TMEM178B: variants seen among roughly 807,000 people sequenced by gnomAD.
The protein encoded by TMEM178B is transmembrane protein 178B.
TMEM178B carries 5 observed loss-of-function variants against 31.0 expected under a neutral mutation model. The ratio of observed to expected loss-of-function variants is 0.16; its 90% confidence interval spans 0.08 to 0.34. TMEM178B has a LOEUF of 0.34. Ranked by LOEUF, TMEM178B falls within the 10% of genes least tolerant of loss-of-function variation. The pLI is 1.00. For missense variants in TMEM178B, 275 were observed against 400.3 expected (o/e 0.69, Z 2.67); for synonymous variants, 164 against 164.0 (o/e 1.00, Z 0.00).
chr7:141,118,157 T>C (rs1277912399), intron 1 of TMEM178B, among the ~76,000 whole-genome samples: 3 of 152,258 alleles, frequency 2.0e-5, no homozygotes, highest in Non-Finnish European at 4.4e-5. Context: ...TGTCTGTGGC[T>C]CATTCCTGTG....
rs372779496 is a variant in TMEM178B, at chr7:141,156,225, A to G, written c.383-56366A>G. On this transcript the variant is annotated intron_variant, in intron 1 of 3. Transcript: ENST00000565468. ...CAGCTCTGTAACTGGGGGAAGATCA[A>G]TTACCTTCCTTGTGCCTCAGTGTCC... Among the ~76,000 whole-genome samples, 459 of 152,312 alleles carry G rather than the reference A, an allele frequency of 3.0e-3. 2 individuals are homozygous for G. Among genetic ancestry groups the G allele is most frequent in the African/African-American group, 0.01 (422 of 41,570 alleles).
chr7:141,382,971 C>A (rs1347735204), intron 2 of TMEM178B, among the ~76,000 whole-genome samples: 1 of 152,166 alleles, frequency 6.6e-6, no homozygotes, highest in Admixed American at 6.5e-5. Flanking sequence ...CTGCCCCATT[C>A]TCCCACCCCA....
the TMEM178B span, among the ~76,000 whole-genome samples, chr7:141,511,149 T>C: frequency 6.6e-6 from 1 of 151,224 alleles, no homozygotes; most frequent in Non-Finnish European, 1.5e-5. Context: ...GTGAGGAGAC[T>C]TAGTGTAACA....
chr7:141,222,134 T>G (rs1797267825), intron 2 of TMEM178B, among the ~76,000 whole-genome samples: 1 of 152,158 alleles, frequency 6.6e-6, no homozygotes, highest in Non-Finnish European at 1.5e-5. Flanking sequence ...GCAGGACCTG[T>G]ATTTGTGTGC....
intron 2 of TMEM178B, among the ~76,000 whole-genome samples, chr7:141,220,507 T>G (rs2129189397): frequency 6.6e-6 from 1 of 151,306 alleles, no homozygotes; most frequent in East Asian, 1.9e-4. Flanking sequence ...AGTTTATTTT[T>G]GAGATGACCT....
chr7:141,147,566 G>A (rs12703318), intron 1 of TMEM178B, among the ~76,000 whole-genome samples: 12,594 of 152,288 alleles, frequency 0.083, 710 homozygotes, highest in Middle Eastern at 0.19. Context: ...GAAGAGGGTT[G>A]TGATGGAAGC....
intron 1 of TMEM178B, among the ~76,000 whole-genome samples, chr7:141,100,207 C>CT (rs751136128): frequency 0.039 from 5,470 of 141,800 alleles, 160 homozygotes; most frequent in Non-Finnish European, 0.056. Flanking sequence ...TCTGTAACAT[C>CT]TTTTTTTTTT....
intron 2 of TMEM178B, among the ~76,000 whole-genome samples, chr7:141,296,074 CTT>C (rs139584498): frequency 1.4e-5 from 2 of 146,170 alleles, no homozygotes; most frequent in Non-Finnish European, 1.5e-5. Context: ...GGAAGCAGTA[CTT>C]TTTTTTTTTT....
intron 2 of TMEM178B, among the ~76,000 whole-genome samples, chr7:141,368,822 C>T (rs1800056974): frequency 6.6e-6 from 1 of 152,212 alleles, no homozygotes; most frequent in Non-Finnish European, 1.5e-5. Context: ...ATTCCCGGAT[C>T]CCCTCTGTGT....
intron 2 of TMEM178B, among the ~76,000 whole-genome samples, chr7:141,380,053 C>T (rs774618750): frequency 1.3e-5 from 2 of 152,148 alleles, no homozygotes; most frequent in Non-Finnish European, 2.9e-5. Flanking sequence ...AGCTCACCAC[C>T]CTCTACCCAT....
chr7:141,116,491 GA>G (rs1795320851), intron 1 of TMEM178B, among the ~76,000 whole-genome samples: 1 of 151,784 alleles, frequency 6.6e-6, no homozygotes, highest in South Asian at 2.1e-4. Flanking sequence ...AATCTCCAAT[GA>G]ATTGACTCTG....
At chr7:141,485,850 C>T in the TMEM178B span, among the ~76,000 whole-genome samples, 34 of 152,314 alleles carry the variant, frequency 2.2e-4, no homozygotes, top group African/African-American at 7.2e-4. Context: ...ATCCCCTGTC[C>T]GGTGGCTGGG....
chr7:141,301,825 G>T (rs116161951), intron 2 of TMEM178B, among the ~76,000 whole-genome samples: 1 of 152,292 alleles, frequency 6.6e-6, no homozygotes, highest in African/African-American at 2.4e-5. Context: ...GCCCCGGGGG[G>T]CCCTCATCCC....
intron 2 of TMEM178B, among the ~76,000 whole-genome samples, chr7:141,288,063 C>T (rs1327035666): frequency 6.6e-6 from 1 of 152,144 alleles, no homozygotes; most frequent in Non-Finnish European, 1.5e-5. Flanking sequence ...GACAGATGCC[C>T]TGACCCCTGT....
At chr7:141,421,346 T>C (rs1406241302) in intron 2 of TMEM178B, among the ~76,000 whole-genome samples, 1 of 152,226 alleles carries the variant, frequency 6.6e-6, no homozygotes, top group Non-Finnish European at 1.5e-5. Flanking sequence ...TAAATACACA[T>C]TGGATGATAC....
intron 2 of TMEM178B, among the ~76,000 whole-genome samples, chr7:141,218,850 T>A (rs1048864370): frequency 2.0e-5 from 3 of 152,142 alleles, no homozygotes; most frequent in Admixed American, 1.3e-4. Flanking sequence ...CTGCCTTCCC[T>A]TTCCCAGTGG....
intron 2 of TMEM178B, among the ~76,000 whole-genome samples, chr7:141,325,685 C>G (rs562858589): frequency 3.3e-5 from 5 of 152,152 alleles, no homozygotes; most frequent in Non-Finnish European, 7.4e-5. Flanking sequence ...TCCATGTTCT[C>G]AGACTTGGAA....
chr7:141,443,898 C>T (rs575154936), intron 3 of TMEM178B, among the ~76,000 whole-genome samples: 27 of 152,286 alleles, frequency 1.8e-4, no homozygotes, highest in African/African-American at 6.5e-4. Context: ...TGGGTTTAAT[C>T]CAATACTACC....
the TMEM178B span, among the ~76,000 whole-genome samples, chr7:141,497,740 A>G: frequency 6.6e-6 from 1 of 152,194 alleles, no homozygotes; most frequent in African/African-American, 2.4e-5. Context: ...CACTTTCTGT[A>G]TTCCCACTCT....
Sources: allele counts gnomAD v4.1 joint callset (sites outside exome capture counted in the v4.1 genomes callset), GRCh38; gene constraint gnomAD v4.1.1; transcripts MANE v1.5; gene names NCBI Gene and HGNC (gene_info 2026-07-23, HGNC 2026-07-21).